Variants in EPHA7 observed in about 807,000 individuals in gnomAD.
EPHA7 encodes the protein ephrin type-A receptor 7.
EPHA7 carries 25 observed loss-of-function variants against 112.6 expected under a neutral mutation model. That is an observed-to-expected ratio of 0.22 (90% CI 0.16 to 0.31). The LOEUF (loss-of-function observed/expected upper bound fraction) is 0.31, where lower values mean the gene tolerates loss of function less well. Ranked by LOEUF, EPHA7 falls within the 10% of genes least tolerant of loss-of-function variation. The pLI, the probability that EPHA7 is intolerant of heterozygous loss-of-function variation, is 1.00. For missense variants in EPHA7, 962 were observed against 1,212.6 expected (o/e 0.79, Z 3.07); for synonymous variants, 437 against 406.5 (o/e 1.07, Z -0.90).
intron 5 of EPHA7, among the ~76,000 whole-genome samples, chr6:93,317,020 T>A (rs1462495292): frequency 6.6e-6 from 1 of 152,184 alleles, no homozygotes; most frequent in Admixed American, 6.5e-5. Flanking sequence ...TGAGGGTCAT[T>A]TCTCCCTGGC....
intron 5 of EPHA7, among the ~76,000 whole-genome samples, chr6:93,321,424 C>CA (rs1185828898): frequency 6.6e-6 from 1 of 151,896 alleles, no homozygotes; most frequent in Non-Finnish European, 1.5e-5. Flanking sequence ...ATCTCTGTCT[C>CA]AGAGTCTGTT....
intron 3 of EPHA7, among the ~76,000 whole-genome samples, chr6:93,391,474 C>A (rs1777901757): frequency 6.6e-6 from 1 of 151,846 alleles, no homozygotes; most frequent in African/African-American, 2.4e-5. Context: ...AACCTCTTCT[C>A]ATGTGGACGT....
At chr6:93,263,514 C>A (rs541883918) in intron 9 of EPHA7, among the ~76,000 whole-genome samples, 9 of 151,394 alleles carry the variant, frequency 5.9e-5, no homozygotes, top group Admixed American at 4.6e-4. Flanking sequence ...TCTTTGTAAC[C>A]TGACATGACA....
At chr6:93,323,928 A>G (rs1192873190) in intron 5 of EPHA7, among the ~76,000 whole-genome samples, 1 of 151,376 alleles carries the variant, frequency 6.6e-6, no homozygotes, top group Admixed American at 6.6e-5. Context: ...ACTCCAGGAG[A>G]CCCTCCATTA....
chr6:93,377,719 T>C (rs1176865084), intron 3 of EPHA7, among the ~76,000 whole-genome samples: 1 of 152,178 alleles, frequency 6.6e-6, no homozygotes, highest in Non-Finnish European at 1.5e-5. Flanking sequence ...AAGTTTCTAC[T>C]TTCTTCTACC....
intron 3 of EPHA7, among the ~76,000 whole-genome samples, chr6:93,399,154 C>A (rs920702106): frequency 6.6e-6 from 1 of 152,044 alleles, no homozygotes; most frequent in Non-Finnish European, 1.5e-5. Context: ...TCTGCTCCTG[C>A]ACAAATCTTC....
At chr6:93,357,996 T>C (rs1776043551) in intron 4 of EPHA7, among the ~76,000 whole-genome samples, 1 of 152,134 alleles carries the variant, frequency 6.6e-6, no homozygotes, top group South Asian at 2.1e-4. Flanking sequence ...ATGATTCTTA[T>C]GAGATACATG....
intron 5 of EPHA7, among the ~76,000 whole-genome samples, chr6:93,276,975 C>T (rs1402605167): frequency 1.3e-5 from 2 of 151,954 alleles, no homozygotes; most frequent in African/African-American, 4.8e-5. Context: ...AATGATCTTT[C>T]AGCAAATATA....
Position 93,354,431 on chromosome 6 carries a change from CT to C in EPHA7, c.1324+2285del, listed in dbSNP as rs1177189123. Among the ~76,000 whole-genome samples, 5 of 151,846 alleles carry C rather than the reference CT, an allele frequency of 3.3e-5. No individual in the cohort carries two copies. The East Asian group carries it at 9.7e-4, about 29-fold the overall frequency. Reference sequence around the variant, plus strand: ...AAAACTGCAAACCTAGTTTTTTAACCTTTATTTATGTTTATGTTATTTAATA... The same window carrying C: ...AAAACTGCAAACCTAGTTTTTTAACCTTATTTATGTTTATGTTATTTAATA... On this transcript the variant is annotated intron_variant, in intron 5 of 16. Coordinates refer to ENST00000369303, the MANE Select transcript of EPHA7 (RefSeq NM_004440.4).
chr6:93,311,381 T>C (rs1310538973), intron 5 of EPHA7, among the ~76,000 whole-genome samples: 1 of 152,152 alleles, frequency 6.6e-6, no homozygotes, highest in East Asian at 1.9e-4. Flanking sequence ...TCCTTCTTTG[T>C]CATTTCAACA....
intron 3 of EPHA7, among the ~76,000 whole-genome samples, chr6:93,392,955 A>T (rs999100450): frequency 6.6e-6 from 1 of 151,912 alleles, no homozygotes; most frequent in African/African-American, 2.4e-5. Flanking sequence ...ACAATTACAT[A>T]AACTTATTTA....
At chr6:93,352,242 C>A (rs1252161369) in intron 5 of EPHA7, among the ~76,000 whole-genome samples, 1 of 151,878 alleles carries the variant, frequency 6.6e-6, no homozygotes, top group African/African-American at 2.4e-5. Flanking sequence ...TTAAATAATC[C>A]CAGAGTGAAT....
At chr6:93,319,374 A>G (rs1382840949) in intron 5 of EPHA7, among the ~76,000 whole-genome samples, 2 of 152,066 alleles carry the variant, frequency 1.3e-5, no homozygotes, top group Non-Finnish European at 2.9e-5. Context: ...GGGAGCAGGA[A>G]CAGCTAGAAC....
At chr6:93,283,661 C>T (rs1771896523) in intron 5 of EPHA7, among the ~76,000 whole-genome samples, 1 of 152,054 alleles carries the variant, frequency 6.6e-6, no homozygotes, top group Non-Finnish European at 1.5e-5. Context: ...AGACCAGGAG[C>T]CCACCAGAAG....
chr6:93,272,464 C>T (rs1469260308), intron 5 of EPHA7, 42 bp from the exon 6 acceptor site: 2 of 1,607,470 alleles, frequency 1.2e-6, no homozygotes. Flanking sequence ...AGAAAATTCA[C>T]TGGATGCCTC....
intron 5 of EPHA7, among the ~76,000 whole-genome samples, chr6:93,276,812 G>T (rs771951150): frequency 6.6e-6 from 1 of 151,932 alleles, no homozygotes; most frequent in Non-Finnish European, 1.5e-5. Flanking sequence ...CCAAGATAAT[G>T]AATTTCACTT....
At position 93,259,427 on chromosome 6, in the gene EPHA7, T is replaced by G; in HGVS notation, c.1851A>C (p.Pro617=). The change falls in exon 10 of 17, where the codon CCA becomes CCC. Residue 617 remains proline (P), a synonymous_variant. Coordinates refer to ENST00000369303, the MANE Select transcript of EPHA7 (RefSeq NM_004440.4). ...TYIDPETYED[P]NRAVHQFAKE... ...TGGCGAATTGATGGACAGCTCTATTTGGGTCCTCATAGGTTTCAGGGTCAA... is the reference window on the plus strand; with the variant it reads ...TGGCGAATTGATGGACAGCTCTATTGGGGTCCTCATAGGTTTCAGGGTCAA... The G allele has an allele frequency of 1.2e-6, 2 of 1,612,176 alleles. No individual in the cohort carries two copies. The highest frequency in any genetic ancestry group is 8.5e-7 in the Non-Finnish European group (1 of 1,178,558).
intron 3 of EPHA7, among the ~76,000 whole-genome samples, chr6:93,408,626 A>C (rs1472532008): frequency 1.3e-5 from 2 of 152,076 alleles, no homozygotes; most frequent in African/African-American, 2.4e-5. Context: ...TATCATCTCC[A>C]TTTGTTTTGC....
chr6:93,333,158 A>C (rs1464204962), intron 5 of EPHA7, among the ~76,000 whole-genome samples: 1 of 151,598 alleles, frequency 6.6e-6, no homozygotes, highest in East Asian at 1.9e-4. Context: ...TTCCTGCATT[A>C]ATTTGTTTAG....
Sources: allele counts gnomAD v4.1 joint callset (sites outside exome capture counted in the v4.1 genomes callset), GRCh38; gene constraint gnomAD v4.1.1; transcripts MANE v1.5; gene names NCBI Gene and HGNC (gene_info 2026-07-23, HGNC 2026-07-21).